DOCK2: variants seen among roughly 807,000 people sequenced by gnomAD.
The protein encoded by DOCK2 is dedicator of cytokinesis protein 2.
A neutral mutation model predicts 248.9 loss-of-function variants in DOCK2; 87 were observed. That is an observed-to-expected ratio of 0.35 (90% CI 0.29 to 0.42). The LOEUF (loss-of-function observed/expected upper bound fraction) is 0.42, where lower values mean the gene tolerates loss of function less well. Among genes scored for constraint, DOCK2 ranks in the 10% least tolerant of loss-of-function variants. The pLI is 1.00. For missense variants in DOCK2, 1,747 were observed against 2,300.2 expected (o/e 0.76, Z 4.92); for synonymous variants, 805 against 821.6 (o/e 0.98, Z 0.35).
chr5:169,857,824 CA>C (rs1373619725), intron 27 of DOCK2, among the ~76,000 whole-genome samples: 1 of 150,368 alleles, frequency 6.7e-6, no homozygotes, highest in Non-Finnish European at 1.5e-5. Flanking sequence ...AATAATCAAT[CA>C]TTTTGGGAAT....
chr5:169,804,494 G>GCGCGCGCA (rs1182317986), intron 26 of DOCK2, among the ~76,000 whole-genome samples: 10 of 57,974 alleles, frequency 1.7e-4, no homozygotes, highest in African/African-American at 3.2e-4. Flanking sequence ...GTGCGCGCGC[G>GCGCGCGCA]CGTGCGCGTA....
chr5:169,677,306 A>G (rs938485574), intron 6 of DOCK2, among the ~76,000 whole-genome samples: 2 of 152,000 alleles, frequency 1.3e-5, no homozygotes, highest in African/African-American at 2.4e-5. Flanking sequence ...CACCACTATA[A>G]CTCTAAGTGG....
chr5:169,718,634 T>G, intron 21 of DOCK2, 23 bp from the exon 22 acceptor site: 2 of 1,603,100 alleles, frequency 1.2e-6, no homozygotes, highest in Non-Finnish European at 1.7e-6. Flanking sequence ...AGATGTATTT[T>G]GAAAATATTA....
chr5:169,956,205 G>A (rs1009945441), intron 27 of DOCK2, among the ~76,000 whole-genome samples: 1 of 152,194 alleles, frequency 6.6e-6, no homozygotes, highest in African/African-American at 2.4e-5. Context: ...GATTCATCCT[G>A]GTTGAGCAAG....
At chr5:169,721,576 G>A (rs10038749) in intron 22 of DOCK2, among the ~76,000 whole-genome samples, 60,191 of 152,150 alleles carry the variant, frequency 0.4, 12,708 homozygotes, top group East Asian at 0.75. Context: ...TGAATTATTG[G>A]TTTGGGGCTA....
At chr5:169,856,006 A>T (rs1432084400) in intron 27 of DOCK2, among the ~76,000 whole-genome samples, 15 of 152,264 alleles carry the variant, frequency 9.9e-5, no homozygotes, top group Non-Finnish European at 5.9e-5. Flanking sequence ...GAGAGAGAGC[A>T]GTGAGGAGCG....
chr5:169,829,771 T>G (rs1020189574), intron 26 of DOCK2, among the ~76,000 whole-genome samples: 1 of 152,060 alleles, frequency 6.6e-6, no homozygotes, highest in African/African-American at 2.4e-5. Context: ...TTGGGGAGGT[T>G]TTTTCTTTTT....
intron 23 of DOCK2, among the ~76,000 whole-genome samples, chr5:169,754,418 G>A (rs1764077446): frequency 6.6e-6 from 1 of 152,146 alleles, no homozygotes; most frequent in South Asian, 2.1e-4. Context: ...CTTAATCTAG[G>A]AAATTCACTC....
chr5:169,762,753 C>G (rs913285192), intron 25 of DOCK2, among the ~76,000 whole-genome samples: 1 of 152,190 alleles, frequency 6.6e-6, no homozygotes. Context: ...TTCAATTTCT[C>G]TATCCACACT....
chr5:169,672,415 C>T (rs1167891598), intron 5 of DOCK2, among the ~76,000 whole-genome samples: 2 of 152,184 alleles, frequency 1.3e-5, no homozygotes, highest in African/African-American at 4.8e-5. Flanking sequence ...TCAGGAGATC[C>T]TTCAACATCT....
At position 169,851,942 on chromosome 5, in the gene DOCK2, T is replaced by A. The variant is rs568280734; in HGVS notation, c.2799+11090T>A. Among the ~76,000 whole-genome samples, 14 of 152,192 alleles carry A rather than the reference T, an allele frequency of 9.2e-5. No individual in the cohort carries two copies. The South Asian group carries it at 2.9e-3, about 32-fold the overall frequency. ...TGGGGATTACAATTCGAGATGAGAT[T>A]TGGGTGGGGACACAGCAAAACCATA... On this transcript the variant is annotated intron_variant, in intron 27 of 51. Coordinates refer to ENST00000520908, the MANE Select transcript of DOCK2 (RefSeq NM_004946.3).
At chr5:169,663,578 G>A (rs1459589992) in intron 2 of DOCK2, among the ~76,000 whole-genome samples, 3 of 152,222 alleles carry the variant, frequency 2.0e-5, no homozygotes, top group African/African-American at 4.8e-5. Flanking sequence ...GATTCCCAAA[G>A]CTCAACTCTT....
chr5:169,708,309 C>T, intron 15 of DOCK2, 42 bp downstream of exon 15: 1 of 1,568,308 alleles, frequency 6.4e-7, no homozygotes, highest in Non-Finnish European at 8.7e-7. Flanking sequence ...CTAGTTCTTA[C>T]CATGAACCAG....
At chr5:169,980,716 T>G (rs1196217840) in intron 27 of DOCK2, 1 of 152,164 alleles carries the variant, frequency 6.6e-6, no homozygotes, top group Non-Finnish European at 1.5e-5. Flanking sequence ...ATTTCTTGAT[T>G]TAAGTGGGAG....
chr5:169,963,779 T>A (rs1777187255), intron 27 of DOCK2, among the ~76,000 whole-genome samples: 1 of 152,140 alleles, frequency 6.6e-6, no homozygotes, highest in South Asian at 2.1e-4. Context: ...TCACTACAGA[T>A]GCTCTCTAAG....
At chr5:170,045,394 A>G (rs139580465) in intron 38 of DOCK2, among the ~76,000 whole-genome samples, 1 of 152,284 alleles carries the variant, frequency 6.6e-6, no homozygotes, top group African/African-American at 2.4e-5. Flanking sequence ...CGTGGGAGGC[A>G]GGGACTGAAG....
At chr5:169,717,238 T>C in intron 20 of DOCK2, 146 bp from the exon 21 acceptor site, 1 of 629,394 alleles carries the variant, frequency 1.6e-6, no homozygotes, top group East Asian at 2.8e-5. Flanking sequence ...TTTGGGAAGA[T>C]GCTACCTTAA....
intron 26 of DOCK2, among the ~76,000 whole-genome samples, chr5:169,823,158 C>A (rs940650078): frequency 6.6e-6 from 1 of 152,134 alleles, no homozygotes; most frequent in African/African-American, 2.4e-5. Context: ...AGTCCAGGAC[C>A]AGACGGAGTC....
intron 2 of DOCK2, among the ~76,000 whole-genome samples, chr5:169,655,612 A>G (rs1280160631): frequency 6.6e-6 from 1 of 152,246 alleles, no homozygotes; most frequent in African/African-American, 2.4e-5. Context: ...GATTAGCTAC[A>G]TGCAACCTCT....
Sources: allele counts gnomAD v4.1 joint callset (sites outside exome capture counted in the v4.1 genomes callset), GRCh38; gene constraint gnomAD v4.1.1; transcripts MANE v1.5; gene names NCBI Gene and HGNC (gene_info 2026-07-23, HGNC 2026-07-21).